DNAAF11: variants seen among roughly 807,000 people sequenced by gnomAD.
The protein encoded by DNAAF11 is leucine rich repeat containing 6.
Under a neutral mutation model 60.8 loss-of-function variants are expected in DNAAF11, and 45 were observed. That is an observed-to-expected ratio of 0.74 (90% confidence interval 0.58 to 0.95). The LOEUF (loss-of-function observed/expected upper bound fraction) is 0.95, where lower values mean the gene tolerates loss of function less well. DNAAF11 is among the 40% of genes least tolerant of loss of function. DNAAF11 has a pLI of 0.00. For missense variants in DNAAF11, 546 were observed against 546.2 expected, an observed-to-expected ratio of 1.00 and a Z score of 0.00; for synonymous variants, 191 against 183.5, an observed-to-expected ratio of 1.04 and a Z score of -0.33.
At chr8:132,672,053 A>T (rs1825240722) in intron 1 of DNAAF11, among the ~76,000 whole-genome samples, 1 of 152,204 alleles carries the variant, frequency 6.6e-6, no homozygotes, top group South Asian at 2.1e-4. Flanking sequence ...AAGAGAAGGA[A>T]AATATAAGCC....
chr8:132,692,984 A>T, the DNAAF11 span, among the ~76,000 whole-genome samples: 1 of 152,258 alleles, frequency 6.6e-6, no homozygotes, highest in Admixed American at 6.5e-5. Flanking sequence ...AGCAGCTTCC[A>T]TCAATGGAAA....
At chr8:132,601,294 G>T (rs968350735) in intron 10 of DNAAF11, among the ~76,000 whole-genome samples, 2 of 152,146 alleles carry the variant, frequency 1.3e-5, no homozygotes, top group African/African-American at 4.8e-5. Flanking sequence ...AGAGGATGTG[G>T]AGAAACAGGA....
the DNAAF11 span, among the ~76,000 whole-genome samples, chr8:132,685,959 T>C: frequency 6.6e-5 from 10 of 152,132 alleles, no homozygotes; most frequent in Admixed American, 3.3e-4. Context: ...AATAAAGTGG[T>C]AGCCAAGATT....
intron 11 of DNAAF11, among the ~76,000 whole-genome samples, chr8:132,576,284 G>T (rs1212535550): frequency 6.6e-6 from 1 of 152,108 alleles, no homozygotes; most frequent in African/African-American, 2.4e-5. Flanking sequence ...CACAATTCAT[G>T]TATCTGTTCA....
chr8:132,668,249 G>A (rs1036105021), intron 1 of DNAAF11, among the ~76,000 whole-genome samples: 3 of 152,210 alleles, frequency 2.0e-5, no homozygotes, highest in African/African-American at 7.2e-5. Context: ...TCATCATAAT[G>A]AGCGGCAACA....
the DNAAF11 span, among the ~76,000 whole-genome samples, chr8:132,681,198 T>C: frequency 6.6e-5 from 10 of 151,468 alleles, no homozygotes; most frequent in South Asian, 2.1e-4. Flanking sequence ...TTAGTAGATA[T>C]GGGGTTTCTC....
chr8:132,652,919 A>G (rs1315417992), intron 3 of DNAAF11, among the ~76,000 whole-genome samples: 9 of 152,076 alleles, frequency 5.9e-5, no homozygotes, highest in Non-Finnish European at 1.5e-5. Flanking sequence ...CTGCGCATGT[A>G]CCCAGAACTT....
the DNAAF11 span, among the ~76,000 whole-genome samples, chr8:132,702,910 G>A: frequency 3.9e-5 from 6 of 152,122 alleles, no homozygotes; most frequent in African/African-American, 4.8e-5. Flanking sequence ...TTAGGAAGGC[G>A]GAAGGCTCTA....
chr8:132,674,520 T>C (rs1418914481), intron 1 of DNAAF11, among the ~76,000 whole-genome samples: 1 of 152,202 alleles, frequency 6.6e-6, no homozygotes, highest in East Asian at 1.9e-4. Context: ...AAAAACGTTG[T>C]CGATATCAAA....
At chr8:132,609,675 C>G (rs781671761) in intron 10 of DNAAF11, among the ~76,000 whole-genome samples, 3 of 152,156 alleles carry the variant, frequency 2.0e-5, no homozygotes, top group Non-Finnish European at 4.4e-5. Flanking sequence ...CAAGTCACTG[C>G]TAGTGCACAT....
chr8:132,584,776 C>T (rs1563975028), intron 10 of DNAAF11, among the ~76,000 whole-genome samples: 1 of 152,114 alleles, frequency 6.6e-6, no homozygotes, highest in Admixed American at 6.6e-5. Context: ...TCTGTTCTGC[C>T]TGACTTGGTG....
chr8:132,604,586 G>A (rs1199453363), intron 10 of DNAAF11, among the ~76,000 whole-genome samples: 1 of 152,134 alleles, frequency 6.6e-6, no homozygotes, highest in African/African-American at 2.4e-5. Context: ...AAGCCTCTCA[G>A]TGCATGCAAA....
intron 3 of DNAAF11, chr8:132,643,773 G>C (rs1307439106): frequency 4.4e-6 from 2 of 453,928 alleles, no homozygotes; most frequent in Non-Finnish European, 8.9e-6. Flanking sequence ...GCATTCGTTA[G>C]ACACTTGTAA....
chr8:132,664,625 C>A, intron 1 of DNAAF11, among the ~76,000 whole-genome samples: 1 of 149,200 alleles, frequency 6.7e-6, no homozygotes. Context: ...CCACACCCAG[C>A]TAATTTTTTT....
chr8:132,579,639 G>T (rs984339811), intron 11 of DNAAF11, among the ~76,000 whole-genome samples: 5 of 152,104 alleles, frequency 3.3e-5, no homozygotes, highest in Admixed American at 6.6e-5. Context: ...CTAAGAAAGT[G>T]GGGGGAAAGG....
At chr8:132,590,254 T>C (rs1210132203) in intron 10 of DNAAF11, among the ~76,000 whole-genome samples, 1 of 152,222 alleles carries the variant, frequency 6.6e-6, no homozygotes, top group East Asian at 1.9e-4. Flanking sequence ...TCACAACCCC[T>C]GTCTGCATCA....
At chr8:132,697,609 C>A in the DNAAF11 span, among the ~76,000 whole-genome samples, 1 of 138,404 alleles carries the variant, frequency 7.2e-6, no homozygotes, top group Non-Finnish European at 1.5e-5. Context: ...CAGAGCGAGA[C>A]CCCATCTCAA....
At chr8:132,582,064 C>T (rs1389380392) in intron 11 of DNAAF11, among the ~76,000 whole-genome samples, 2 of 152,320 alleles carry the variant, frequency 1.3e-5, no homozygotes, top group Non-Finnish European at 2.9e-5. Flanking sequence ...GTGGCCCTCC[C>T]GGTGGACGGC....
chr8:132,619,107 AC>A lies in DNAAF11; in HGVS notation c.914+3503del, dbSNP rs1304982704. On this transcript the variant is annotated intron_variant, in intron 7 of 11. Transcript: ENST00000620350. Reference sequence around the variant, plus strand: ...ATATGGCACATATACACCATGGAATACTATGCAGCCATAAAAAATGATGAGT... The same window carrying A: ...ATATGGCACATATACACCATGGAATATATGCAGCCATAAAAAATGATGAGT... 5.3e-5 allele frequency among the ~76,000 whole-genome samples: 8 copies of A among 152,236 alleles called. No individual in the cohort carries two copies. In the South Asian group the frequency reaches 1.7e-3, roughly 32 times the overall value.
Sources: gnomAD v4.1 joint callset for allele counts (sites outside exome capture counted in the v4.1 genomes callset) on GRCh38, gnomAD v4.1.1 for gene constraint, MANE v1.5 for transcripts, NCBI Gene and HGNC (gene_info 2026-07-23, HGNC 2026-07-21) for gene names.